The following MTRF1 variants were observed in gnomAD, a reference collection of about 807,000 sequenced individuals.
MTRF1 encodes the protein mitochondrial translation release factor 1.
Under a neutral mutation model 62.9 loss-of-function variants are expected in MTRF1, and 51 were observed. The ratio of observed to expected loss-of-function variants is 0.81; its 90% CI spans 0.65 to 1.02. The LOEUF (loss-of-function observed/expected upper bound fraction) is 1.02, where lower values mean the gene tolerates loss of function less well. MTRF1 is among the 50% of genes least tolerant of loss of function. The probability of loss-of-function intolerance (pLI) is 0.00; values close to 1 mark genes in which losing one functional copy is unlikely to be tolerated. For synonymous variants in MTRF1, 158 were observed against 181.9 expected, an observed-to-expected ratio of 0.87 and a Z score of 1.06; for missense variants, 446 against 530.0, an observed-to-expected ratio of 0.84 and a Z score of 1.56.
intron 8 of MTRF1, 55 bp downstream of exon 8, chr13:41,226,377 A>G (rs1445473931): frequency 1.3e-6 from 2 of 1,551,326 alleles, no homozygotes; most frequent in Non-Finnish European, 1.8e-6. Flanking sequence ...CATTCTCTAC[A>G]GAAAATGACT....
chr13:41,311,431 ACT>A, the MTRF1 span: 2 of 1,183,906 alleles, frequency 1.7e-6, no homozygotes, highest in Non-Finnish European at 2.4e-6. Flanking sequence ...CCGCAGCCCG[ACT>A]CTCAGCAGCG....
At chr13:41,252,887 T>A in intron 4 of MTRF1, 62 bp downstream of exon 4, 1 of 1,398,326 alleles carries the variant, frequency 7.2e-7, no homozygotes, top group African/African-American at 1.4e-5. Flanking sequence ...GTTAGTGTTA[T>A]CAAATAAGGT....
At chr13:41,262,404 T>C (rs1412046984) in intron 1 of MTRF1, 1 of 151,884 alleles carries the variant, frequency 6.6e-6, no homozygotes, top group South Asian at 2.1e-4. Context: ...TGTGAGATTA[T>C]GAATACCTTT....
At chr13:41,286,165 A>G in the MTRF1 span, among the ~76,000 whole-genome samples, 1 of 151,390 alleles carries the variant, frequency 6.6e-6, no homozygotes, top group African/African-American at 2.4e-5. Flanking sequence ...TAGCAATCTT[A>G]TAGGAGAATC....
the MTRF1 span, among the ~76,000 whole-genome samples, chr13:41,288,823 C>T: frequency 6.6e-6 from 1 of 152,260 alleles, no homozygotes; most frequent in Non-Finnish European, 1.5e-5. Context: ...GGTCGTAAAG[C>T]AGCGGAGACA....
At chr13:41,273,282 C>T in the MTRF1 span, among the ~76,000 whole-genome samples, 85 of 150,816 alleles carry the variant, frequency 5.6e-4, no homozygotes, top group Middle Eastern at 3.4e-3. Flanking sequence ...GCCGAGATCG[C>T]GCCACTGCAC....
At chr13:41,269,199 G>GTTTTTTTTTTTTTTTTTAGATTGGT in the MTRF1 span, among the ~76,000 whole-genome samples, 1 of 68,702 alleles carries the variant, frequency 1.5e-5, no homozygotes, top group African/African-American at 5.4e-5. Context: ...TTTTTTTTTG[G>GTTTTTTTTTTTTTTTTTAGATTGGT]TTTTTTTTTT....
In MTRF1 at chr13:41,216,875, T is replaced by C. The variant is rs1281211360; in HGVS notation, c.*240A>G. 1 of 263,790 alleles carries C rather than the reference T, an allele frequency of 3.8e-6. No individual in the cohort carries two copies. Among genetic ancestry groups the C allele is most frequent in the Non-Finnish European group, 7.0e-6 (1 of 142,372 alleles). The allele number at this position is 263,790 out of a possible 1,614,324, so 16.3% of individuals were successfully genotyped here. On this transcript the variant is annotated 3_prime_UTR_variant, in exon 10 of 10. Coordinates refer to ENST00000379480, the MANE Select transcript of MTRF1 (RefSeq NM_004294.4). ...GACACAATCAATTCTCAATACTTTC[T>C]CTTTTCAATGATGCATGCTTATTTT...
At chr13:41,223,410 A>G in intron 8 of MTRF1, 56 bp from the exon 9 acceptor site, 1 of 1,402,634 alleles carries the variant, frequency 7.1e-7, no homozygotes, top group Non-Finnish European at 1.0e-6. Flanking sequence ...CTTCATTACA[A>G]TGGAAAAAGC....
chr13:41,265,014 G>A (rs570094072), upstream of MTRF1, among the ~76,000 whole-genome samples: 1 of 152,024 alleles, frequency 6.6e-6, no homozygotes, highest in Non-Finnish European at 1.5e-5. Flanking sequence ...AGTTTCAAAG[G>A]GTCTACATAA....
At chr13:41,273,618 A>T in the MTRF1 span, among the ~76,000 whole-genome samples, 5 of 151,996 alleles carry the variant, frequency 3.3e-5, no homozygotes, top group African/African-American at 4.8e-5. Flanking sequence ...CAGGTGGATC[A>T]CCTGAGGTCA....
chr13:41,287,986 G>T, the MTRF1 span: 1 of 378,676 alleles, frequency 2.6e-6, no homozygotes. Flanking sequence ...CTTCCCACAA[G>T]AATGATGGGA....
the MTRF1 span, among the ~76,000 whole-genome samples, chr13:41,298,988 T>C: frequency 6.6e-6 from 1 of 152,152 alleles, no homozygotes; most frequent in Non-Finnish European, 1.5e-5. Context: ...GAGACCAGCC[T>C]GGCCAACATG....
the MTRF1 span, among the ~76,000 whole-genome samples, chr13:41,300,201 G>A: frequency 1.3e-5 from 2 of 152,188 alleles, no homozygotes; most frequent in Non-Finnish European, 2.9e-5. Context: ...TGAGCTCAAA[G>A]ATTGAAGATG....
intron 9 of MTRF1, among the ~76,000 whole-genome samples, chr13:41,220,324 G>GAAAAAAAAAAAAAAAA: frequency 3.1e-5 from 1 of 32,660 alleles, no homozygotes; most frequent in Non-Finnish European, 7.1e-5. Flanking sequence ...ATCTGTCTCG[G>GAAAAAAAAAAAAAAAA]AAAAAAAAAA....
chr13:41,302,816 C>T, the MTRF1 span, among the ~76,000 whole-genome samples: 13 of 152,108 alleles, frequency 8.5e-5, no homozygotes, highest in Admixed American at 7.9e-4. Flanking sequence ...TGAGCCACTG[C>T]GCCTGGCCTA....
the MTRF1 span, among the ~76,000 whole-genome samples, chr13:41,271,088 CACA>C: frequency 1.4e-4 from 20 of 145,982 alleles, no homozygotes; most frequent in African/African-American, 4.4e-4. Flanking sequence ...CACACACACA[CACA>C]CCCCATATAG....
intron 9 of MTRF1, 39 bp from the exon 10 acceptor site, chr13:41,217,267 G>A: frequency 1.7e-6 from 2 of 1,163,696 alleles, no homozygotes; most frequent in South Asian, 2.8e-5. Flanking sequence ...CTAATGATTA[G>A]AAATATAAGC....
chr13:41,231,035 C>CT (rs1448622633), intron 7 of MTRF1, among the ~76,000 whole-genome samples: 1 of 152,058 alleles, frequency 6.6e-6, no homozygotes, highest in Non-Finnish European at 1.5e-5. Context: ...CCCCACCCCG[C>CT]TTTTTTTAAA....
Sources: allele counts gnomAD v4.1 joint callset (sites outside exome capture counted in the v4.1 genomes callset), GRCh38; gene constraint gnomAD v4.1.1; transcripts MANE v1.5; gene names NCBI Gene and HGNC (gene_info 2026-07-23, HGNC 2026-07-21).